DLGAP2: variants seen among roughly 807,000 people sequenced by gnomAD.
DLGAP2 encodes DLG associated protein 2, also known as disks large-associated protein 2.
Under a neutral mutation model 100.3 loss-of-function variants are expected in DLGAP2, and 26 were observed. The observed-to-expected ratio is 0.26, with a 90% CI of 0.19 to 0.36. The LOEUF (loss-of-function observed/expected upper bound fraction) is 0.36, where lower values mean the gene tolerates loss of function less well. DLGAP2 is among the 10% of genes least tolerant of loss of function. The probability of loss-of-function intolerance (pLI) is 1.00; values close to 1 mark genes in which losing one functional copy is unlikely to be tolerated. For synonymous variants in DLGAP2, 886 were observed against 630.1 expected, an observed-to-expected ratio of 1.41 and a Z score of -6.08; for missense variants, 1,858 against 1,453.2, an observed-to-expected ratio of 1.28 and a Z score of -4.53.
chr8:1,348,701 C>G (rs1252601834), intron 3 of DLGAP2, among the ~76,000 whole-genome samples: 1 of 152,230 alleles, frequency 6.6e-6, no homozygotes, highest in African/African-American at 2.4e-5. Flanking sequence ...CTGCATTGCT[C>G]TCATGGCCGC....
At chr8:1,238,230 C>A (rs1798707109) in intron 2 of DLGAP2, among the ~76,000 whole-genome samples, 1 of 55,482 alleles carries the variant, frequency 1.8e-5, no homozygotes, top group African/African-American at 9.2e-5. Flanking sequence ...GTGTCTAGTT[C>A]TCTCACATGG....
At chr8:1,237,207 G>A (rs1228044018) in intron 2 of DLGAP2, among the ~76,000 whole-genome samples, 2 of 138,072 alleles carry the variant, frequency 1.4e-5, no homozygotes, top group African/African-American at 3.0e-5. Context: ...CTCACGTGGT[G>A]CCGTGTCTAG....
chr8:738,600 G>A (rs982205117), intron 1 of DLGAP2: 1 of 151,872 alleles, frequency 6.6e-6, no homozygotes, highest in Non-Finnish European at 1.5e-5. Flanking sequence ...AAATAATGAG[G>A]ATGTAATTAT....
At chr8:1,286,844 A>G (rs1282066475) in intron 3 of DLGAP2, among the ~76,000 whole-genome samples, 2 of 152,368 alleles carry the variant, frequency 1.3e-5, no homozygotes, top group African/African-American at 2.4e-5. Context: ...GTATGGGGAA[A>G]GTGACTTGAT....
intron 2 of DLGAP2, among the ~76,000 whole-genome samples, chr8:1,151,614 G>A (rs1161215513): frequency 6.6e-6 from 1 of 152,284 alleles, no homozygotes; most frequent in East Asian, 1.9e-4. Flanking sequence ...GGAAATGAGT[G>A]CACTGGCTTT....
chr8:1,335,852 C>T (rs1443409680), intron 3 of DLGAP2, among the ~76,000 whole-genome samples: 1 of 152,218 alleles, frequency 6.6e-6, no homozygotes, highest in Non-Finnish European at 1.5e-5. Flanking sequence ...TAAAAGGAAA[C>T]TAAGGGAAGC....
intron 6 of DLGAP2, among the ~76,000 whole-genome samples, chr8:1,574,860 C>G (rs1381137391): frequency 6.6e-6 from 1 of 152,196 alleles, no homozygotes; most frequent in Admixed American, 6.5e-5. Context: ...AAATATGTGA[C>G]TCATGAGATT....
intron 2 of DLGAP2, among the ~76,000 whole-genome samples, chr8:1,140,601 C>G (rs1013448340): frequency 6.6e-6 from 1 of 152,106 alleles, no homozygotes; most frequent in African/African-American, 2.4e-5. Flanking sequence ...CTGACCCTCC[C>G]TTCCCTCACT....
intron 11 of DLGAP2, among the ~76,000 whole-genome samples, chr8:1,677,900 A>G (rs1798846750): frequency 6.6e-6 from 1 of 152,230 alleles, no homozygotes; most frequent in Non-Finnish European, 1.5e-5. Flanking sequence ...ATATTTCTGA[A>G]AGGGAGGTAG....
chr8:887,924 C>G (rs575172608), intron 1 of DLGAP2, among the ~76,000 whole-genome samples: 2 of 152,308 alleles, frequency 1.3e-5, no homozygotes, highest in Admixed American at 1.3e-4. Flanking sequence ...GTTGGCCTGT[C>G]TTGCTAGGTT....
intron 2 of DLGAP2, among the ~76,000 whole-genome samples, chr8:1,180,711 T>G (rs1164307223): frequency 6.6e-6 from 1 of 151,402 alleles, no homozygotes; most frequent in East Asian, 1.9e-4. Flanking sequence ...TGTGTGTGGG[T>G]GTGCAAGGGC....
chr8:1,363,194 C>G (rs1563106316), intron 3 of DLGAP2, among the ~76,000 whole-genome samples: 1 of 152,268 alleles, frequency 6.6e-6, no homozygotes, highest in Non-Finnish European at 1.5e-5. Flanking sequence ...ACCAGCCTTC[C>G]TTTCTGGGAA....
intron 3 of DLGAP2, among the ~76,000 whole-genome samples, chr8:1,432,228 T>C (rs6998158): frequency 0.21 from 32,248 of 152,054 alleles, 3,850 homozygotes; most frequent in Middle Eastern, 0.29. Flanking sequence ...AGCCAGTGGC[T>C]AAGATGAAGA....
chr8:1,376,628 G>A, intron 3 of DLGAP2, among the ~76,000 whole-genome samples: 1 of 152,176 alleles, frequency 6.6e-6, no homozygotes, highest in East Asian at 1.9e-4. Context: ...GGACGTGCCA[G>A]CTCACAGGGC....
At chr8:815,496 A>C (rs1177499785) in intron 1 of DLGAP2, among the ~76,000 whole-genome samples, 1 of 152,228 alleles carries the variant, frequency 6.6e-6, no homozygotes, top group African/African-American at 2.4e-5. Context: ...AAATCCTTTC[A>C]GATGGATACG....
At chr8:1,018,349 G>A (rs1008044793) in intron 2 of DLGAP2, among the ~76,000 whole-genome samples, 1 of 152,230 alleles carries the variant, frequency 6.6e-6, no homozygotes, top group Non-Finnish European at 1.5e-5. Flanking sequence ...TTTGACCACA[G>A]CATGTTTTAC....
chr8:916,931 C>A (rs373927876), intron 2 of DLGAP2, among the ~76,000 whole-genome samples: 2 of 152,186 alleles, frequency 1.3e-5, no homozygotes, highest in South Asian at 4.1e-4. Flanking sequence ...ACCCAGGGCT[C>A]AGCCTCTTGT....
intron 3 of DLGAP2, chr8:1,299,838 C>A (rs540268426): frequency 3.3e-5 from 5 of 152,084 alleles, no homozygotes; most frequent in Admixed American, 1.3e-4. Context: ...AAAATCAACC[C>A]AAATGACTTT....
intron 3 of DLGAP2, among the ~76,000 whole-genome samples, chr8:1,474,501 G>T (rs769291655): frequency 6.6e-6 from 1 of 152,182 alleles, no homozygotes; most frequent in Admixed American, 6.5e-5. Flanking sequence ...CACCAGCAGT[G>T]CAGAAGTGTT....
Sources: allele counts gnomAD v4.1 joint callset (sites outside exome capture counted in the v4.1 genomes callset), GRCh38; gene constraint gnomAD v4.1.1; transcripts MANE v1.5; gene names NCBI Gene and HGNC (gene_info 2026-07-23, HGNC 2026-07-21).